The following THSD7B variants were observed in gnomAD, a reference collection of about 807,000 sequenced individuals.
The protein encoded by THSD7B is thrombospondin type 1 domain containing 7B.
A neutral mutation model predicts 213.6 loss-of-function variants in THSD7B; 138 were observed. That is an observed-to-expected ratio of 0.65 (90% CI 0.56 to 0.74). THSD7B has a LOEUF of 0.74. Ranked by LOEUF, THSD7B falls within the 30% of genes least tolerant of loss-of-function variation. The pLI is 0.00. For missense variants in THSD7B, 1,931 were observed against 1,991.5 expected, an observed-to-expected ratio of 0.97 and a Z score of 0.58; for synonymous variants, 742 against 687.0, an observed-to-expected ratio of 1.08 and a Z score of -1.25.
At chr2:137,267,244 C>G (rs1233226537) in intron 10 of THSD7B, among the ~76,000 whole-genome samples, 2 of 152,068 alleles carry the variant, frequency 1.3e-5, no homozygotes, top group African/African-American at 4.8e-5. Flanking sequence ...ATGCATAAAT[C>G]AAAACTGAAT....
intron 20 of THSD7B, among the ~76,000 whole-genome samples, chr2:137,635,713 G>T (rs13396053): frequency 2.6e-5 from 4 of 151,516 alleles, no homozygotes; most frequent in East Asian, 1.9e-4. Context: ...AAAATATTCC[G>T]CAAGTTTCTT....
intron 20 of THSD7B, among the ~76,000 whole-genome samples, chr2:137,640,015 A>G (rs923108207): frequency 3.1e-4 from 47 of 152,126 alleles, no homozygotes; most frequent in African/African-American, 1.1e-3. Flanking sequence ...ACTGTTGGGG[A>G]GCCATTATTG....
chr2:137,183,484 A>G (rs1680493531), intron 7 of THSD7B, among the ~76,000 whole-genome samples: 1 of 152,170 alleles, frequency 6.6e-6, no homozygotes, highest in Non-Finnish European at 1.5e-5. Context: ...TTATTTACAA[A>G]TCATGATTGT....
At chr2:136,805,048 C>T (rs1275836766) in intron 1 of THSD7B, among the ~76,000 whole-genome samples, 1 of 152,122 alleles carries the variant, frequency 6.6e-6, no homozygotes, top group African/African-American at 2.4e-5. Flanking sequence ...GAGCTAAAAA[C>T]CTTCAAAGAC....
intron 5 of THSD7B, among the ~76,000 whole-genome samples, chr2:137,150,378 A>G (rs1442782613): frequency 2.0e-5 from 3 of 152,102 alleles, no homozygotes; most frequent in Non-Finnish European, 4.4e-5. Flanking sequence ...CATAGTTTCC[A>G]CATGTTGTGG....
intron 2 of THSD7B, among the ~76,000 whole-genome samples, chr2:137,007,422 GA>G (rs1290071467): frequency 6.6e-6 from 1 of 152,292 alleles, no homozygotes; most frequent in African/African-American, 2.4e-5. Context: ...CACTAATAGA[GA>G]TAGATGGCCA....
At chr2:137,157,719 C>T (rs1652912439) in intron 5 of THSD7B, among the ~76,000 whole-genome samples, 1 of 152,180 alleles carries the variant, frequency 6.6e-6, no homozygotes. Context: ...AATAAGTGAA[C>T]ATTTCTGTGC....
chr2:136,869,082 CT>C (rs949337546), intron 1 of THSD7B, among the ~76,000 whole-genome samples: 2 of 151,884 alleles, frequency 1.3e-5, no homozygotes, highest in African/African-American at 4.8e-5. Flanking sequence ...ATTTAACTTC[CT>C]TTTTTTATAA....
chr2:137,306,108 C>A (rs74364363), intron 12 of THSD7B, among the ~76,000 whole-genome samples: 8,295 of 152,160 alleles, frequency 0.055, 328 homozygotes, highest in East Asian at 0.1. Flanking sequence ...CGTGAAGCCC[C>A]AGGACATTAC....
At chr2:137,664,380 T>C (rs78357482) in intron 26 of THSD7B, among the ~76,000 whole-genome samples, 3,839 of 152,282 alleles carry the variant, frequency 0.025, 137 homozygotes, top group African/African-American at 0.086. Context: ...TTTGTGATTA[T>C]GTATAGTTTC....
At chr2:137,429,429 T>G (rs1687126677) in intron 14 of THSD7B, among the ~76,000 whole-genome samples, 1 of 152,246 alleles carries the variant, frequency 6.6e-6, no homozygotes, top group African/African-American at 2.4e-5. Context: ...TGTATGTATA[T>G]ACACGTATTA....
At chr2:137,003,194 T>C (rs1686034631) in intron 2 of THSD7B, among the ~76,000 whole-genome samples, 1 of 152,194 alleles carries the variant, frequency 6.6e-6, no homozygotes, top group Non-Finnish European at 1.5e-5. Flanking sequence ...AGGCCACACA[T>C]GGCTTTTAAA....
At chr2:137,389,131 C>A (rs2104975158) in intron 12 of THSD7B, among the ~76,000 whole-genome samples, 2 of 148,258 alleles carry the variant, frequency 1.3e-5, no homozygotes, top group South Asian at 2.1e-4. Context: ...TTTACATTAC[C>A]ACTAACAGTG....
intron 2 of THSD7B, among the ~76,000 whole-genome samples, chr2:136,921,591 G>C (rs1422407376): frequency 6.6e-6 from 1 of 152,130 alleles, no homozygotes; most frequent in East Asian, 1.9e-4. Flanking sequence ...ACTAACTATT[G>C]ACAGTACTGC....
chr2:137,056,320 T>A, intron 2 of THSD7B, 100 bp from the exon 3 acceptor site: 1 of 1,250,856 alleles, frequency 8.0e-7, no homozygotes, highest in South Asian at 1.5e-5. Context: ...CCTAATTTCA[T>A]ACTGCTTGTG....
chr2:137,470,137 A>C (rs915595835), intron 15 of THSD7B, among the ~76,000 whole-genome samples: 2 of 152,196 alleles, frequency 1.3e-5, no homozygotes, highest in African/African-American at 4.8e-5. Context: ...GAAGCAGAAG[A>C]GTTTTATGCC....
intron 6 of THSD7B, among the ~76,000 whole-genome samples, chr2:137,165,046 G>A (rs1196493836): frequency 6.6e-6 from 1 of 152,102 alleles, no homozygotes; most frequent in African/African-American, 2.4e-5. Flanking sequence ...AAGAAAGAGT[G>A]AAAGAAAAGT....
At chr2:137,427,302 C>A (rs990112861) in intron 14 of THSD7B, among the ~76,000 whole-genome samples, 10 of 152,072 alleles carry the variant, frequency 6.6e-5, no homozygotes, top group Non-Finnish European at 1.3e-4. Context: ...ATAATTCCCC[C>A]TTCCAAAAAA....
chr2:137,088,825 A>G (rs970313334), intron 3 of THSD7B, among the ~76,000 whole-genome samples: 1 of 152,134 alleles, frequency 6.6e-6, no homozygotes, highest in Non-Finnish European at 1.5e-5. Context: ...TAAATAGACA[A>G]TTCTCAAAAG....
Sources: allele counts gnomAD v4.1 joint callset (sites outside exome capture counted in the v4.1 genomes callset), GRCh38; gene constraint gnomAD v4.1.1; transcripts MANE v1.5; gene names NCBI Gene and HGNC (gene_info 2026-07-23, HGNC 2026-07-21).